Variants in KLHL15 observed in about 807,000 individuals in gnomAD.
KLHL15 encodes the protein kelch-like protein 15.
In KLHL15, 1 loss-of-function variant was observed where a neutral mutation model predicts 29.3. That is an observed-to-expected ratio of 0.03 (90% CI 0.01 to 0.16). The LOEUF is 0.16. KLHL15 is among the 10% of genes least tolerant of loss of function. The pLI is 1.00. For synonymous variants in KLHL15, 212 were observed against 184.5 expected, an observed-to-expected ratio of 1.15 and a Z score of -1.21; for missense variants, 215 against 478.5, an observed-to-expected ratio of 0.45 and a Z score of 5.14.
At chrX:24,018,726 G>A (rs1430738354) in intron 2 of KLHL15, among the ~76,000 whole-genome samples, 2 of 111,541 alleles carry the variant, frequency 1.8e-5, no homozygotes, top group Non-Finnish European at 3.8e-5. Flanking sequence ...GGTCAGCCGG[G>A]CACAGTGGCT....
chrX:24,017,947 T>A (rs776583276), intron 2 of KLHL15, among the ~76,000 whole-genome samples: 84 of 110,160 alleles, frequency 7.6e-4, no homozygotes, highest in African/African-American at 2.6e-3. Flanking sequence ...TACAAAAAAA[T>A]TTTTTTAAAT....
chrX:24,016,093 A>C (rs1004835173), intron 2 of KLHL15, among the ~76,000 whole-genome samples: 9 of 108,910 alleles, frequency 8.3e-5, no homozygotes, highest in Non-Finnish European at 1.1e-4. Context: ...TCACGCTTGT[A>C]ATCTCAGCAC....
At chrX:23,999,812 T>TA (rs1460664150) in intron 3 of KLHL15, among the ~76,000 whole-genome samples, 17 of 111,877 alleles carry the variant, frequency 1.5e-4, no homozygotes, top group Non-Finnish European at 3.0e-4. Context: ...ACTCTACATC[T>TA]ATACATAAAA....
chrX:24,021,521 T>C (rs1929803380), intron 2 of KLHL15, among the ~76,000 whole-genome samples: 1 of 112,539 alleles, frequency 8.9e-6, no homozygotes, highest in South Asian at 3.6e-4. Flanking sequence ...TCTGCTTCAA[T>C]TTGTCGGTTT....
At chrX:24,023,105 G>T (rs989195163) in intron 2 of KLHL15, among the ~76,000 whole-genome samples, 1 of 111,593 alleles carries the variant, frequency 9.0e-6, no homozygotes, top group African/African-American at 3.3e-5. Context: ...AAATTAGCAT[G>T]AATTTTACCA....
At chrX:23,999,881 G>A (rs1039023885) in intron 3 of KLHL15, among the ~76,000 whole-genome samples, 2 of 112,235 alleles carry the variant, frequency 1.8e-5, no homozygotes, top group East Asian at 2.8e-4. Flanking sequence ...CTGCACATGC[G>A]TTAATTACAA....
At chrX:23,990,876 C>T (rs1359785943) in intron 3 of KLHL15, among the ~76,000 whole-genome samples, 2 of 110,411 alleles carry the variant, frequency 1.8e-5, no homozygotes, top group Non-Finnish European at 3.8e-5. Context: ...AAACAAAAAA[C>T]GTCACAAATT....
In KLHL15 at chrX:23,986,859, A is replaced by AG. The variant is rs1181388938; in HGVS notation, c.*1061dup. The AG allele has an allele frequency of 8.9e-6, 1 of 111,911 alleles. No individual in the cohort carries two copies. The highest frequency in any genetic ancestry group is 1.9e-5 in the Non-Finnish European group (1 of 53,144). The allele number at this position is 111,911 out of a possible 1,213,427, so 9.2% of individuals were successfully genotyped here. A position where few individuals can be genotyped will look rare whatever the true frequency, so the allele number is the denominator to read the frequency against. On this transcript the variant is annotated 3_prime_UTR_variant, in exon 4 of 4. Coordinates refer to ENST00000328046, the MANE Select transcript of KLHL15 (RefSeq NM_030624.3). ...AAAATGGGAGTTGCACTTACTTTTA[A>AG]GGGGCCTTGATTTAGGAGTCTGGTA...
chrX:24,004,897 C>T (rs979171056), intron 3 of KLHL15, among the ~76,000 whole-genome samples: 1 of 110,972 alleles, frequency 9.0e-6, no homozygotes, highest in Non-Finnish European at 1.9e-5. Flanking sequence ...AAACTGAATT[C>T]TCAGTTTCAC....
chrX:23,996,759 C>CA (rs1249499848), intron 3 of KLHL15, among the ~76,000 whole-genome samples: 2 of 111,973 alleles, frequency 1.8e-5, no homozygotes, highest in Admixed American at 1.9e-4. Context: ...TGCTATATTG[C>CA]AAAACTATGT....
intron 3 of KLHL15, among the ~76,000 whole-genome samples, chrX:23,993,772 TA>T (rs1929130816): frequency 9.1e-6 from 1 of 110,452 alleles, no homozygotes; most frequent in South Asian, 3.9e-4. Flanking sequence ...CTCACACCTG[TA>T]ATCTCAGCAC....
chrX:23,999,639 T>C (rs1929271091), intron 3 of KLHL15, among the ~76,000 whole-genome samples: 1 of 108,987 alleles, frequency 9.2e-6, no homozygotes, highest in Non-Finnish European at 1.9e-5. Context: ...AGATTGAACT[T>C]TTACACTCCA....
chrX:24,006,838 G>A, intron 2 of KLHL15, 138 bp from the exon 3 acceptor site: 1 of 487,555 alleles, frequency 2.1e-6, no homozygotes, highest in Non-Finnish European at 3.5e-6. Context: ...TTTGGGAGAA[G>A]ACAATCTAAA....
chrX:24,000,699 TTGA>T (rs1446125828), intron 3 of KLHL15, among the ~76,000 whole-genome samples: 1 of 111,823 alleles, frequency 8.9e-6, no homozygotes, highest in Non-Finnish European at 1.9e-5. Flanking sequence ...AACACTGCAG[TTGA>T]TGGTTTCCTG....
chrX:24,007,491 C>CAA lies in KLHL15; in HGVS notation c.-7-793_-7-792dup, dbSNP rs1173565203. Reference sequence around the variant, plus strand: ...CTGGGAGACAGCAAGACCCCATTTCCAAAAAAAAAAAAAAAAAATATATAT... The same window carrying CAA: ...CTGGGAGACAGCAAGACCCCATTTCCAAAAAAAAAAAAAAAAAAAATATATAT... On this transcript the variant is annotated intron_variant, in intron 2 of 3. Coordinates refer to ENST00000328046, the MANE Select transcript of KLHL15 (RefSeq NM_030624.3). Among the ~76,000 whole-genome samples, 9 of 62,315 alleles carry CAA rather than the reference C, an allele frequency of 1.4e-4. 1 individual carries two copies. Among genetic ancestry groups the CAA allele is most frequent in the African/African-American group, 5.9e-4 (8 of 13,512 alleles). The allele number at this position is 62,315 out of a possible 115,157, so 54.1% of individuals were successfully genotyped here.
intron 2 of KLHL15, among the ~76,000 whole-genome samples, chrX:24,022,094 T>C (rs1929816927): frequency 9.1e-6 from 1 of 109,977 alleles, no homozygotes; most frequent in African/African-American, 3.3e-5. Flanking sequence ...ATCCCAGCAC[T>C]TTGGGAGACC....
chrX:24,022,458 A>AC lies in KLHL15; in HGVS notation c.-8+2398dup, dbSNP rs1044930450. ...AGACCAGCCTGGCCAACATGGTGAA[A>AC]CCCCGTCTCTACTAAAAATACAAAA... On this transcript the variant is annotated intron_variant, in intron 2 of 3. Coordinates refer to ENST00000328046, the MANE Select transcript of KLHL15 (RefSeq NM_030624.3). 6.5e-5 allele frequency among the ~76,000 whole-genome samples: 7 copies of AC among 107,328 alleles called. No homozygotes were observed. In the East Asian group the frequency reaches 2.1e-3, roughly 32 times the overall value. 93.2% of individuals were successfully genotyped at this position (107,328 alleles called of 115,157 possible).
intron 2 of KLHL15, among the ~76,000 whole-genome samples, chrX:24,013,438 T>A (rs767595448): frequency 1.8e-5 from 2 of 110,184 alleles, no homozygotes; most frequent in South Asian, 7.7e-4. Flanking sequence ...AATTTTTTTT[T>A]ATTTTTAGTA....
intron 2 of KLHL15, 31 bp from the exon 3 acceptor site, chrX:24,006,731 A>T: frequency 9.8e-7 from 1 of 1,021,221 alleles, no homozygotes; most frequent in Non-Finnish European, 1.3e-6. Flanking sequence ...ACAATGTTAA[A>T]CACTTCCATG....
Sources: gnomAD v4.1 joint callset for allele counts (sites outside exome capture counted in the v4.1 genomes callset) on GRCh38, gnomAD v4.1.1 for gene constraint, MANE v1.5 for transcripts, NCBI Gene and HGNC (gene_info 2026-07-23, HGNC 2026-07-21) for gene names.